The following THNSL2 variants were observed in gnomAD, a reference collection of about 807,000 sequenced individuals.
The protein encoded by THNSL2 is threonine synthase-like 2.
Under a neutral mutation model 40.0 loss-of-function variants are expected in THNSL2, and 34 were observed. The observed-to-expected ratio is 0.85, with a 90% CI of 0.65 to 1.13. The LOEUF (loss-of-function observed/expected upper bound fraction) is 1.13, where lower values mean the gene tolerates loss of function less well. Among genes scored for constraint, THNSL2 ranks in the 50% most tolerant of loss-of-function variants. THNSL2 has a pLI of 0.00. For synonymous variants in THNSL2, 241 were observed against 247.5 expected (o/e 0.97, Z 0.25); for missense variants, 537 against 608.8 (o/e 0.88, Z 1.24).
chr2:88,171,597 C>T (rs1316550042), intron 1 of THNSL2: 4 of 218,930 alleles, frequency 1.8e-5, no homozygotes, highest in Non-Finnish European at 2.9e-5. Flanking sequence ...GGGCAGTTTG[C>T]GTTGGCTCTA....
In THNSL2 at chr2:88,185,901, T is replaced by TC. The variant is rs1313453205; in HGVS notation, c.1237dup (p.Arg413ProfsTer24). The TC allele has an allele frequency of 6.3e-7, 1 of 1,598,702 alleles. No individual in the cohort carries two copies. Among genetic ancestry groups the TC allele is most frequent in the South Asian group, 1.1e-5 (1 of 88,076 alleles). ...CCACCTGCCCCCATCCCCACAGCAC[T>TC]CCCCGGTGCTGCCTCGCCCCTGCCT... On this transcript the variant is annotated frameshift_variant, in exon 9 of 9. Coordinates refer to ENST00000674334, the MANE Select transcript of THNSL2 (RefSeq NM_018271.5). LOFTEE classifies it low-confidence loss of function (END_TRUNC).
chr2:88,183,167 T>C, intron 7 of THNSL2, 94 bp downstream of exon 7: 2 of 1,520,064 alleles, frequency 1.3e-6, no homozygotes, highest in South Asian at 2.5e-5. Flanking sequence ...AGAGGACACC[T>C]GTTTCTTGAG....
intron 5 of THNSL2, among the ~76,000 whole-genome samples, chr2:88,181,540 C>CCTCTCTCTCCCCTCTCTCTCCT (rs1677683118): frequency 1.2e-5 from 1 of 83,764 alleles, no homozygotes; most frequent in Non-Finnish European, 2.5e-5. Flanking sequence ...CTCTCTCTCC[C>CCTCTCTCTCCCCTCTCTCTCCT]CTCTCTCTCC....
Position 88,182,886 on chromosome 2 carries a change from T to A in THNSL2, c.951+39T>A, listed in dbSNP as rs778063608. ...AGGTGTGCAGATCTGGCCCAGGTGT[T>A]GGTTGGGTGGGGCTCGATGGGGCTG... On this transcript the variant is annotated intron_variant, in intron 6 of 8. Coordinates refer to ENST00000674334, the MANE Select transcript of THNSL2 (RefSeq NM_018271.5). 3 of 1,611,964 alleles carry A rather than the reference T, an allele frequency of 1.9e-6. No individual in the cohort carries two copies. The South Asian group carries it at 3.3e-5, about 18-fold the overall frequency.
intron 7 of THNSL2, 54 bp downstream of exon 7, chr2:88,183,127 G>C (rs1677882067): frequency 1.3e-6 from 2 of 1,579,386 alleles, no homozygotes; most frequent in Admixed American, 1.7e-5. Flanking sequence ...CCACATAGCA[G>C]ACTTGGGGTT....
At chr2:88,179,418 A>G (rs1181883247) in intron 5 of THNSL2, among the ~76,000 whole-genome samples, 1 of 152,196 alleles carries the variant, frequency 6.6e-6, no homozygotes, top group East Asian at 1.9e-4. Flanking sequence ...ATTTGTTCCC[A>G]TTCCTGGACA....
At chr2:88,180,199 A>G (rs983442011) in intron 5 of THNSL2, among the ~76,000 whole-genome samples, 24 of 152,316 alleles carry the variant, frequency 1.6e-4, no homozygotes, top group African/African-American at 5.8e-4. Flanking sequence ...CACGTGACCA[A>G]CATTTGCTGA....
intron 2 of THNSL2, among the ~76,000 whole-genome samples, chr2:88,173,610 T>C (rs1676596044): frequency 6.7e-6 from 1 of 149,876 alleles, no homozygotes; most frequent in Non-Finnish European, 1.5e-5. Flanking sequence ...TTCTCTCTCT[T>C]TCTTTCTTTT....
At chr2:88,179,931 G>C (rs1209395396) in intron 5 of THNSL2, among the ~76,000 whole-genome samples, 1 of 152,212 alleles carries the variant, frequency 6.6e-6, no homozygotes, top group Non-Finnish European at 1.5e-5. Context: ...CATTGGTTCT[G>C]ATGGGCACCA....
At chr2:88,180,073 G>C (rs1229983142) in intron 5 of THNSL2, among the ~76,000 whole-genome samples, 1 of 152,214 alleles carries the variant, frequency 6.6e-6, no homozygotes, top group Non-Finnish European at 1.5e-5. Context: ...CCACTCATGG[G>C]ATAAAGCCTA....
chr2:88,181,096 C>A (rs1677495636), intron 5 of THNSL2, among the ~76,000 whole-genome samples: 1 of 1,014 alleles, frequency 9.9e-4, no homozygotes, highest in Non-Finnish European at 3.5e-3. Context: ...GCTCGCTCTC[C>A]TCTCTCCTCT....
At chr2:88,177,790 G>A (rs1231957057) in intron 4 of THNSL2, among the ~76,000 whole-genome samples, 1 of 152,134 alleles carries the variant, frequency 6.6e-6, no homozygotes, top group Admixed American at 6.5e-5. Flanking sequence ...TGTCCTTGTG[G>A]TTCACTGATC....
chr2:88,185,500 G>C (rs1158714209), intron 8 of THNSL2, 21 bp downstream of exon 8: 1 of 1,588,530 alleles, frequency 6.3e-7, no homozygotes, highest in Non-Finnish European at 8.6e-7. Flanking sequence ...TGGGGGCCTG[G>C]GCCACTGAGG....
chr2:88,175,245 C>G lies in THNSL2; in HGVS notation c.419-4C>G. The G allele has an allele frequency of 6.2e-7, 1 of 1,613,462 alleles. No individual in the cohort carries two copies. Among genetic ancestry groups the G allele is most frequent in the South Asian group, 1.1e-5 (1 of 90,962 alleles). ...GGGGAGAGTTCTCCTTTCTTCCCAT[C>G]CAGGAACATCTGGGGACACAGGAAG... On this transcript the variant is annotated splice_polypyrimidine_tract_variant and splice_region_variant and intron_variant, in intron 3 of 8. Transcript: ENST00000674334.
At chr2:88,172,116 C>T (rs1246980803) in intron 1 of THNSL2, 1 of 152,288 alleles carries the variant, frequency 6.6e-6, no homozygotes, top group East Asian at 1.9e-4. Flanking sequence ...ATACTGAGAG[C>T]TATGTCTAGT....
chr2:88,171,351 C>A, intron 1 of THNSL2: 1 of 456,552 alleles, frequency 2.2e-6, no homozygotes, highest in East Asian at 7.0e-5. Context: ...CTGCTCAGAG[C>A]CCCGTGCCAG....
At position 88,171,686 on chromosome 2, in the gene THNSL2, T is replaced by G. The variant is rs1676396688; in HGVS notation, c.-13+1230T>G. On this transcript the variant is annotated intron_variant, in intron 1 of 8. Transcript: ENST00000674334. ...ACCTGCCCCCCGACCCTGGTTCTGTTTTGTGAAATACTGCCTGCTTTGCTT... is the reference window on the plus strand; with the variant it reads ...ACCTGCCCCCCGACCCTGGTTCTGTGTTGTGAAATACTGCCTGCTTTGCTT... 2.2e-5 allele frequency: 4 copies of G among 183,862 alleles called. No homozygotes were observed. In the South Asian group the frequency reaches 3.9e-4, roughly 18 times the overall value. 11.4% of individuals were successfully genotyped at this position (183,862 alleles called of 1,614,324 possible). A position where few individuals can be genotyped will look rare whatever the true frequency, so the allele number is the denominator to read the frequency against.
At chr2:88,181,816 C>A (rs1014462088) in intron 5 of THNSL2, among the ~76,000 whole-genome samples, 1 of 152,092 alleles carries the variant, frequency 6.6e-6, no homozygotes, top group African/African-American at 2.4e-5. Flanking sequence ...AACCACGAAT[C>A]TATTTTGTCT....
chr2:88,185,645 G>A (rs969321876), intron 8 of THNSL2, 166 bp downstream of exon 8: 1 of 1,551,612 alleles, frequency 6.4e-7, no homozygotes, highest in Non-Finnish European at 8.7e-7. Flanking sequence ...AGAAGAGGGA[G>A]CGTGACAGAT....
Sources: allele counts gnomAD v4.1 joint callset (sites outside exome capture counted in the v4.1 genomes callset), GRCh38; gene constraint gnomAD v4.1.1; transcripts MANE v1.5; gene names NCBI Gene and HGNC (gene_info 2026-07-23, HGNC 2026-07-21).